Variants in TENM1 observed in about 807,000 individuals in gnomAD.
TENM1 encodes teneurin transmembrane protein 1.
Under a neutral mutation model 174.8 loss-of-function variants are expected in TENM1, and 35 were observed. That is an observed-to-expected ratio of 0.20 (90% confidence interval 0.15 to 0.27). The LOEUF (loss-of-function observed/expected upper bound fraction) is 0.27, where lower values mean the gene tolerates loss of function less well. Ranked by LOEUF, TENM1 falls within the 10% of genes least tolerant of loss-of-function variation. The pLI, the probability that TENM1 is intolerant of heterozygous loss-of-function variation, is 1.00. For missense variants in TENM1, 1,633 were observed against 2,130.1 expected (o/e 0.77, Z 4.59); for synonymous variants, 781 against 798.7 (o/e 0.98, Z 0.37).
chrX:125,164,868 C>T, the TENM1 span, among the ~76,000 whole-genome samples: 1 of 111,578 alleles, frequency 9.0e-6, no homozygotes, highest in Admixed American at 9.6e-5. Context: ...TGTATTGGTC[C>T]TGAGTACGGT....
the TENM1 span, among the ~76,000 whole-genome samples, chrX:125,098,676 G>A: frequency 1.8e-5 from 2 of 111,658 alleles, no homozygotes; most frequent in South Asian, 3.8e-4. Context: ...CTTTTGCTTA[G>A]CAAGCTTAAG....
At chrX:124,850,221 C>T (rs2056692472) in intron 3 of TENM1, among the ~76,000 whole-genome samples, 1 of 111,766 alleles carries the variant, frequency 8.9e-6, no homozygotes, top group African/African-American at 3.2e-5. Flanking sequence ...CCTCTTTTCC[C>T]CCAAATCTGT....
At chrX:124,551,867 T>C (rs1238747505) in intron 14 of TENM1, among the ~76,000 whole-genome samples, 1 of 112,069 alleles carries the variant, frequency 8.9e-6, no homozygotes, top group Non-Finnish European at 1.9e-5. Context: ...GGGGTAGATG[T>C]CAATGGTTTG....
At chrX:124,997,922 G>T in the TENM1 span, among the ~76,000 whole-genome samples, 1 of 109,763 alleles carries the variant, frequency 9.1e-6, no homozygotes. Context: ...CTAAACCATT[G>T]TTTTCACCTA....
chrX:124,644,780 A>C (rs2148379999), intron 10 of TENM1, among the ~76,000 whole-genome samples: 1 of 111,804 alleles, frequency 8.9e-6, no homozygotes, highest in South Asian at 3.7e-4. Flanking sequence ...TATTTTTATT[A>C]TGTGCTTTAA....
At chrX:124,386,126 A>T in intron 28 of TENM1, 62 bp from the exon 32 acceptor site, 1 of 1,028,785 alleles carries the variant, frequency 9.7e-7, no homozygotes, top group Non-Finnish European at 1.3e-6. Flanking sequence ...CGACTAAAGA[A>T]AATACACATT....
intron 1 of TENM1, among the ~76,000 whole-genome samples, chrX:124,926,540 A>C (rs1161058172): frequency 8.9e-6 from 1 of 111,748 alleles, no homozygotes; most frequent in Non-Finnish European, 1.9e-5. Flanking sequence ...GTAAGTTTAC[A>C]TGATGGTAAG....
chrX:124,493,186 T>C (rs2047109678), intron 20 of TENM1, among the ~76,000 whole-genome samples: 1 of 111,539 alleles, frequency 9.0e-6, no homozygotes, highest in Admixed American at 9.5e-5. Flanking sequence ...ACTGTGAAAA[T>C]CAGTTTGCAA....
At chrX:124,758,952 C>T (rs778117428) in intron 3 of TENM1, among the ~76,000 whole-genome samples, 41 of 111,309 alleles carry the variant, frequency 3.7e-4, no homozygotes, top group Non-Finnish European at 7.2e-4. Context: ...CAGATATTTG[C>T]TATACAAAAA....
chrX:124,518,584 T>C (rs2047771358), intron 18 of TENM1, among the ~76,000 whole-genome samples: 1 of 111,609 alleles, frequency 9.0e-6, no homozygotes, highest in African/African-American at 3.3e-5. Context: ...AAAAAAGCAA[T>C]ACCAGCAACT....
intron 18 of TENM1, among the ~76,000 whole-genome samples, chrX:124,510,224 G>T (rs1900508336): frequency 8.9e-6 from 1 of 112,745 alleles, no homozygotes; most frequent in Non-Finnish European, 1.9e-5. Context: ...TAAGTCCAAG[G>T]TCACATGGTT....
At chrX:124,765,503 T>C (rs1042791758) in intron 3 of TENM1, among the ~76,000 whole-genome samples, 2 of 112,174 alleles carry the variant, frequency 1.8e-5, no homozygotes, top group East Asian at 2.8e-4. Flanking sequence ...CATCCTCAAA[T>C]CATATTGAAT....
chrX:124,991,378 CA>C, the TENM1 span, among the ~76,000 whole-genome samples: 2 of 110,610 alleles, frequency 1.8e-5, no homozygotes, highest in African/African-American at 6.6e-5. Context: ...GCAAGCACAT[CA>C]CACCACAGAT....
At chrX:125,112,513 T>C in the TENM1 span, among the ~76,000 whole-genome samples, 5 of 111,170 alleles carry the variant, frequency 4.5e-5, no homozygotes, top group Admixed American at 2.9e-4. Context: ...GAGATTCTCA[T>C]TGAGGAGAAT....
At chrX:125,118,035 C>T in the TENM1 span, among the ~76,000 whole-genome samples, 6 of 111,516 alleles carry the variant, frequency 5.4e-5, no homozygotes, top group Admixed American at 9.6e-5. Flanking sequence ...GAATACTGCT[C>T]GGCCATGAAA....
intron 3 of TENM1, among the ~76,000 whole-genome samples, chrX:124,750,977 T>C (rs1049311885): frequency 2.7e-5 from 3 of 112,505 alleles, no homozygotes; most frequent in Non-Finnish European, 5.6e-5. Flanking sequence ...ATTAAATGTT[T>C]CCTTTTAATT....
intron 22 of TENM1, among the ~76,000 whole-genome samples, chrX:124,472,759 G>C (rs2061350072): frequency 9.0e-6 from 1 of 110,929 alleles, no homozygotes; most frequent in Admixed American, 9.7e-5. Context: ...TCCCTAGGAA[G>C]TCAACACACT....
chrX:124,751,208 T>C (rs2054057412), intron 3 of TENM1, among the ~76,000 whole-genome samples: 1 of 111,691 alleles, frequency 9.0e-6, no homozygotes, highest in Non-Finnish European at 1.9e-5. Flanking sequence ...AAATGAAATA[T>C]TATGTACCTA....
chrX:124,390,824 C>T (rs2060274592), intron 28 of TENM1, among the ~76,000 whole-genome samples: 1 of 112,251 alleles, frequency 8.9e-6, no homozygotes. Context: ...ACGGTTTTGC[C>T]AATCATTCTT....
Sources: gnomAD v4.1 joint callset for allele counts (sites outside exome capture counted in the v4.1 genomes callset) on GRCh38, gnomAD v4.1.1 for gene constraint, MANE v1.5 for transcripts, NCBI Gene and HGNC (gene_info 2026-07-23, HGNC 2026-07-21) for gene names.